The following ATG7 variants were observed in gnomAD, a reference collection of about 807,000 sequenced individuals.
ATG7 encodes the protein ubiquitin-like modifier-activating enzyme ATG7.
In ATG7, 70 loss-of-function variants were observed where a neutral mutation model predicts 82.4. The observed-to-expected ratio is 0.85, with a 90% CI of 0.70 to 1.04. ATG7 has a LOEUF of 1.04. ATG7 is among the 50% of genes least tolerant of loss of function. The pLI, the probability that ATG7 is intolerant of heterozygous loss-of-function variation, is 0.00. For synonymous variants in ATG7, 287 were observed against 313.0 expected, an observed-to-expected ratio of 0.92 and a Z score of 0.88; for missense variants, 792 against 864.3, an observed-to-expected ratio of 0.92 and a Z score of 1.05.
intron 20 of ATG7, among the ~76,000 whole-genome samples, chr3:11,543,139 G>A (rs1402133739): frequency 3.9e-5 from 6 of 152,214 alleles, no homozygotes; most frequent in South Asian, 2.1e-4. Flanking sequence ...GAAACCTGTC[G>A]TTTTCTCCTT....
At chr3:11,366,204 G>A (rs2076595451) in intron 18 of ATG7, among the ~76,000 whole-genome samples, 1 of 143,446 alleles carries the variant, frequency 7.0e-6, no homozygotes. Flanking sequence ...GGGCGACAGA[G>A]TGAGACTCCA....
chr3:11,334,330 C>T (rs562839855), intron 11 of ATG7, among the ~76,000 whole-genome samples: 51 of 151,978 alleles, frequency 3.4e-4, no homozygotes, highest in Middle Eastern at 3.4e-3. Flanking sequence ...CTGCAACCTC[C>T]GCCTCCCAGG....
chr3:11,408,089 T>C (rs972535295), intron 19 of ATG7, among the ~76,000 whole-genome samples: 1 of 152,254 alleles, frequency 6.6e-6, no homozygotes, highest in Admixed American at 6.5e-5. Context: ...CTTTTGAAAC[T>C]GAATGCCTTT....
At chr3:11,472,418 C>T (rs537674920) in intron 20 of ATG7, among the ~76,000 whole-genome samples, 29 of 151,952 alleles carry the variant, frequency 1.9e-4, no homozygotes, top group Non-Finnish European at 3.7e-4. Context: ...ACCAGTGACC[C>T]TGTCACTATG....
rs1208866893 is a variant in ATG7 at position 11,420,354 on chromosome 3, G to GT, written c.1957-6443dup. 3.3e-5 allele frequency among the ~76,000 whole-genome samples: 5 copies of GT among 151,700 alleles called. 1 individual carries two copies. The highest frequency in any genetic ancestry group is 4.2e-4 in the South Asian group (2 of 4,812). ...CTCATTATGGAGGAGGCCTTTTTTT[G>GT]TTTTTTTCATTCTGCCCTTGCTGTT... On this transcript the variant is annotated intron_variant, in intron 19 of 20. Coordinates refer to ENST00000693202, the MANE Select transcript of ATG7 (RefSeq NM_001349232.2).
intron 17 of ATG7, among the ~76,000 whole-genome samples, chr3:11,364,327 G>A (rs369105181): frequency 1.3e-5 from 2 of 152,154 alleles, no homozygotes; most frequent in East Asian, 1.9e-4. Flanking sequence ...CTGATATGCC[G>A]AACATTGCAC....
chr3:11,545,574 C>T (rs543716841), intron 20 of ATG7, among the ~76,000 whole-genome samples: 6 of 152,286 alleles, frequency 3.9e-5, no homozygotes, highest in Admixed American at 6.5e-5. Context: ...TAGGACTTCA[C>T]GGACCAAGCC....
intron 3 of ATG7, among the ~76,000 whole-genome samples, chr3:11,295,215 G>A (rs1945675307): frequency 6.6e-6 from 1 of 152,186 alleles, no homozygotes. Flanking sequence ...CTGAGGCAGT[G>A]GGGAATTTTA....
chr3:11,388,120 G>C (rs976391702), intron 19 of ATG7, among the ~76,000 whole-genome samples: 8 of 152,124 alleles, frequency 5.3e-5, no homozygotes, highest in Non-Finnish European at 1.2e-4. Flanking sequence ...TATGAGAGTT[G>C]CAACCAGTCC....
At chr3:11,344,911 A>G (rs572404135) in intron 13 of ATG7, among the ~76,000 whole-genome samples, 29 of 152,260 alleles carry the variant, frequency 1.9e-4, no homozygotes, top group African/African-American at 7.0e-4. Flanking sequence ...ATCTCACTTC[A>G]TAAGTCAAAT....
intron 20 of ATG7, among the ~76,000 whole-genome samples, chr3:11,531,495 A>T (rs1260905024): frequency 6.6e-6 from 1 of 152,166 alleles, no homozygotes; most frequent in Non-Finnish European, 1.5e-5. Flanking sequence ...CTCTCTGTAG[A>T]TTTCCTTAAG....
intron 15 of ATG7, 67 bp from the exon 16 acceptor site, chr3:11,360,514 G>A: frequency 9.5e-6 from 14 of 1,468,738 alleles, no homozygotes; most frequent in Non-Finnish European, 1.3e-5. Flanking sequence ...GAGCAAATAT[G>A]GAATTAGCCA....
Position 11,471,745 on chromosome 3 carries a change from C to CTTTTTTTT in ATG7, c.2079+44828_2079+44835dup, listed in dbSNP as rs200590021. 1.4e-3 allele frequency among the ~76,000 whole-genome samples: 143 copies of CTTTTTTTT among 105,682 alleles called. 4 individuals are homozygous for CTTTTTTTT. The highest frequency in any genetic ancestry group is 1.5e-3 in the African/African-American group (40 of 26,580). The allele number at this position is 105,682 out of a possible 152,430, so 69.3% of individuals were successfully genotyped here. On this transcript the variant is annotated intron_variant, in intron 20 of 20. Transcript: ENST00000693202. Reference sequence around the variant, plus strand: ...CTTCATAGATTGGCTTTTTAGATTTCTTTTTTTTTTTTTTTTGAAATGTAG... The same window carrying CTTTTTTTT: ...CTTCATAGATTGGCTTTTTAGATTTCTTTTTTTTTTTTTTTTTTTTTTTTGAAATGTAG...
intron 19 of ATG7, among the ~76,000 whole-genome samples, chr3:11,387,304 A>G (rs1352105128): frequency 6.6e-6 from 1 of 152,242 alleles, no homozygotes; most frequent in African/African-American, 2.4e-5. Context: ...CCATGATTCC[A>G]GAGAACACGG....
chr3:11,373,498 T>C (rs1240954620), intron 18 of ATG7, among the ~76,000 whole-genome samples: 1 of 152,242 alleles, frequency 6.6e-6, no homozygotes, highest in African/African-American at 2.4e-5. Context: ...TTGTTAAACC[T>C]GCAGATTCTC....
chr3:11,571,873 G>A, the ATG7 span, among the ~76,000 whole-genome samples: 3 of 152,086 alleles, frequency 2.0e-5, no homozygotes, highest in South Asian at 2.1e-4. Context: ...TTGGGAGGCC[G>A]AGGCCGGCAG....
intron 15 of ATG7, among the ~76,000 whole-genome samples, chr3:11,359,843 TAAAGCTGTTATA>T (rs2076176293): frequency 6.6e-6 from 1 of 152,226 alleles, no homozygotes; most frequent in Non-Finnish European, 1.5e-5. Flanking sequence ...TATATCTCAA[TAAAGCTGTTATA>T]AAAACAAATC....
intron 20 of ATG7, among the ~76,000 whole-genome samples, chr3:11,536,520 A>T (rs1442656034): frequency 6.6e-6 from 1 of 152,080 alleles, no homozygotes; most frequent in Non-Finnish European, 1.5e-5. Context: ...AAGAAGCCAA[A>T]ACTTCTGTTT....
intron 20 of ATG7, among the ~76,000 whole-genome samples, chr3:11,519,643 TC>T: frequency 7.7e-6 from 1 of 129,704 alleles, no homozygotes; most frequent in South Asian, 2.7e-4. Flanking sequence ...CACTGCAAGC[TC>T]CCCCTCCCAG....
Sources: gnomAD v4.1 joint callset for allele counts (sites outside exome capture counted in the v4.1 genomes callset) on GRCh38, gnomAD v4.1.1 for gene constraint, MANE v1.5 for transcripts, NCBI Gene and HGNC (gene_info 2026-07-23, HGNC 2026-07-21) for gene names.